Variants in TFAM observed in about 807,000 individuals in gnomAD.
The protein encoded by TFAM is transcription factor A, mitochondrial, also known as mitochondrial transcription factor 1.
In TFAM, 13 loss-of-function variants were observed where a neutral mutation model predicts 30.6. The ratio of observed to expected loss-of-function variants is 0.42; its 90% confidence interval spans 0.28 to 0.67. TFAM has a LOEUF of 0.67. Among genes scored for constraint, TFAM ranks in the 30% least tolerant of loss-of-function variants. The probability of loss-of-function intolerance (pLI) is 0.21; values close to 1 mark genes in which losing one functional copy is unlikely to be tolerated. For synonymous variants in TFAM, 106 were observed against 94.8 expected, an observed-to-expected ratio of 1.12 and a Z score of -0.69; for missense variants, 231 against 293.7, an observed-to-expected ratio of 0.79 and a Z score of 1.56.
chr10:58,392,684 C>CT (rs553658447), intron 5 of TFAM, among the ~76,000 whole-genome samples: 6,316 of 145,074 alleles, frequency 0.044, 239 homozygotes, highest in African/African-American at 0.097. Flanking sequence ...AATTTAACCT[C>CT]TTTTTTTTTT....
chr10:58,394,221 G>A, intron 5 of TFAM, 137 bp from the exon 6 acceptor site: 1 of 708,506 alleles, frequency 1.4e-6, no homozygotes, highest in South Asian at 1.6e-5. Context: ...GATAGTTTTT[G>A]TTTAGAGAGA....
rs1367434434 is a variant in TFAM, at chr10:58,386,328, T to G, written c.210T>G (p.Ala70=). 6.2e-7 allele frequency: 1 copy of G among 1,612,004 alleles called. No individual in the cohort carries two copies. The highest frequency in any genetic ancestry group is 1.3e-5 in the African/African-American group (1 of 75,006). The stretch of plus-strand genomic sequence containing the variant: ...AAGAACAACTACCCATATTTAAAGC[T>G]CAGAACCCAGGTAAGGAGTTTTGGG... ...FSKEQLPIFK[A]QNPDAKTTEL... The change falls in exon 2 of 7, where the codon GCT becomes GCG. Residue 70 remains alanine, a synonymous_variant. Transcript: ENST00000487519.
chr10:58,386,356 A>C lies in TFAM; in HGVS notation c.220+18A>C. 1 of 1,528,862 alleles carries C rather than the reference A, an allele frequency of 6.5e-7. No homozygotes were observed. The allele number at this position is 1,528,862 out of a possible 1,614,324, so 94.7% of individuals were successfully genotyped here. A position where few individuals can be genotyped will look rare whatever the true frequency, so the allele number is the denominator to read the frequency against. ...GAACCCAGGTAAGGAGTTTTGGGGC[A>C]TATACCCTTTTCTCATGTAATAAAA... is the stretch of plus-strand genomic sequence containing the variant. On this transcript the variant is annotated intron_variant, in intron 2 of 6. Transcript: ENST00000487519.
In TFAM at chr10:58,399,048, A is replaced by G. The variant is rs531933867; in HGVS notation, c.*3974A>G. ...TGTCAGTCTCTCTCATTGTTCACAA[A>G]TAAAGGACTTTTGTTAATTGATTAA... On this transcript the variant is annotated 3_prime_UTR_variant, in exon 7 of 7. Transcript: ENST00000487519. 55 of 152,364 alleles carry G rather than the reference A, an allele frequency of 3.6e-4. No homozygotes were observed. The highest frequency in any genetic ancestry group is 3.4e-3 in the Middle Eastern group (1 of 294). The allele number at this position is 152,364 out of a possible 1,614,324, so 9.4% of individuals were successfully genotyped here. A position where few individuals can be genotyped will look rare whatever the true frequency, so the allele number is the denominator to read the frequency against.
intron 5 of TFAM, among the ~76,000 whole-genome samples, chr10:58,391,941 G>A (rs202206168): frequency 2.1e-5 from 1 of 47,496 alleles, no homozygotes; most frequent in East Asian, 5.0e-4. Context: ...TTTTTTTTTT[G>A]TACTTACCAA....
intron 5 of TFAM, among the ~76,000 whole-genome samples, chr10:58,393,476 T>C (rs1407712601): frequency 2.0e-5 from 3 of 152,366 alleles, no homozygotes; most frequent in Middle Eastern, 3.4e-3. Context: ...CACTAATGCA[T>C]CTGCTTTTCA....
intron 2 of TFAM, chr10:58,386,846 C>T (rs910014349): frequency 2.0e-5 from 5 of 249,552 alleles, no homozygotes; most frequent in Non-Finnish European, 2.6e-5. Flanking sequence ...CAGACCTCGA[C>T]CTTGCCAAGG....
In TFAM at chr10:58,396,833, A is replaced by G. The variant is rs1364902065; in HGVS notation, c.*1759A>G. The G allele has an allele frequency of 1.3e-5, 2 of 152,232 alleles. No individual in the cohort carries two copies. The highest frequency in any genetic ancestry group is 2.9e-5 in the Non-Finnish European group (2 of 68,044). The allele number at this position is 152,232 out of a possible 1,614,324, so 9.4% of individuals were successfully genotyped here. ...ACAAAGGTAGGAATGGGAGAGAAAA[A>G]TAGTAGCTTATGAGGAAATATGAGG... On this transcript the variant is annotated 3_prime_UTR_variant, in exon 7 of 7. Transcript: ENST00000487519.
intron 2 of TFAM, among the ~76,000 whole-genome samples, chr10:58,387,129 G>A (rs1840505738): frequency 6.6e-6 from 1 of 152,120 alleles, no homozygotes; most frequent in African/African-American, 2.4e-5. Flanking sequence ...GGGCATGGGG[G>A]CGCAGTGCCT....
At position 58,397,136 on chromosome 10, in the gene TFAM, C is replaced by G. The variant is rs998784508; in HGVS notation, c.*2062C>G. On this transcript the variant is annotated 3_prime_UTR_variant, in exon 7 of 7. Transcript: ENST00000487519. ...TAGGAGAATGGAGAAAATCATAACT[C>G]AAATCATCGACTCAATTCTGTTCTC... is the stretch of plus-strand genomic sequence containing the variant. 16 of 152,008 alleles carry G rather than the reference C, an allele frequency of 1.1e-4. No individual in the cohort carries two copies. The highest frequency in any genetic ancestry group is 1.0e-3 in the Admixed American group (16 of 15,262). 9.4% of individuals were successfully genotyped at this position (152,008 alleles called of 1,614,324 possible).
chr10:58,394,769 A>G (rs1290257227), intron 6 of TFAM, among the ~76,000 whole-genome samples, 159 bp from the exon 7 acceptor site: 1 of 152,198 alleles, frequency 6.6e-6, no homozygotes, highest in East Asian at 1.9e-4. Flanking sequence ...CTTTTATCTC[A>G]TGAAAATATT....
Position 58,386,280 on chromosome 10 carries a change from A to G in TFAM, c.162A>G (p.Val54=). 3.7e-6 allele frequency: 6 copies of G among 1,613,930 alleles called. No homozygotes were observed. Among genetic ancestry groups the G allele is most frequent in the South Asian group, 1.1e-5 (1 of 91,072 alleles). ...TGGCAAGTTGTCCAAAGAAACCTGT[A>G]AGTTCTTACCTTCGATTTTCTAAAG... ...SVLASCPKKP[V]SSYLRFSKEQ... The change falls in exon 2 of 7, where the codon GTA becomes GTG. Residue 54 remains valine (V), a synonymous_variant. Coordinates refer to ENST00000487519, the MANE Select transcript of TFAM (RefSeq NM_003201.3).
chr10:58,390,264 C>T (rs1219525503), intron 4 of TFAM, among the ~76,000 whole-genome samples: 2 of 152,122 alleles, frequency 1.3e-5, no homozygotes, highest in Non-Finnish European at 2.9e-5. Context: ...GTATTCTTTT[C>T]CACAGTTTCT....
chr10:58,394,296 G>T lies in TFAM; in HGVS notation c.538-62G>T, dbSNP rs530843206. 8 of 1,217,520 alleles carry T rather than the reference G, an allele frequency of 6.6e-6. No homozygotes were observed. In the East Asian group the frequency reaches 1.2e-4, roughly 18 times the overall value. The allele number at this position is 1,217,520 out of a possible 1,614,324, so 75.4% of individuals were successfully genotyped here. A position where few individuals can be genotyped will look rare whatever the true frequency, so the allele number is the denominator to read the frequency against. On this transcript the variant is annotated intron_variant, in intron 5 of 6. Coordinates refer to ENST00000487519, the MANE Select transcript of TFAM (RefSeq NM_003201.3). The stretch of plus-strand genomic sequence containing the variant: ...TGGTATCTTGAGTTTTTGTTGGAAT[G>T]AATAATAAAGGTCACTGAAGTCCCC...
In TFAM at chr10:58,388,835, A is replaced by G. The variant is rs753774417; in HGVS notation, c.441+16A>G. 1.8e-5 allele frequency: 28 copies of G among 1,591,738 alleles called. 1 individual carries two copies. The South Asian group carries it at 3.1e-4, about 18-fold the overall frequency. ...AAAAAAAAAAGTGAGTATCATTGAA[A>G]TACTTTTTTCTTATGGTAAAGAATT... On this transcript the variant is annotated intron_variant, in intron 4 of 6. Coordinates refer to ENST00000487519, the MANE Select transcript of TFAM (RefSeq NM_003201.3).
At chr10:58,386,770 C>T (rs1589011079) in intron 2 of TFAM, 2 of 882,720 alleles carry the variant, frequency 2.3e-6, no homozygotes, top group South Asian at 7.6e-5. Flanking sequence ...ATTTCAAGAG[C>T]TTTCAAGATA....
chr10:58,391,602 T>TTATGCTTTAAGCATTA (rs1433376835), intron 5 of TFAM, among the ~76,000 whole-genome samples: 3 of 152,132 alleles, frequency 2.0e-5, no homozygotes, highest in Non-Finnish European at 4.4e-5. Flanking sequence ...ATTGTTTATC[T>TTATGCTTTAAGCATTA]TATGCTTTAA....
At chr10:58,386,852 C>A in intron 2 of TFAM, 1 of 216,942 alleles carries the variant, frequency 4.6e-6, no homozygotes, top group Non-Finnish European at 8.0e-6. Context: ...TCGACCTTGC[C>A]AAGGGGATGG....
rs1015093448 is a variant in TFAM, at chr10:58,396,666, C to G, written c.*1592C>G. ...CCTGTTTGAGCAGAATAATTCTCATCAGTTCACAGATATAGGATAACTCAA... is the reference window on the plus strand; with the variant it reads ...CCTGTTTGAGCAGAATAATTCTCATGAGTTCACAGATATAGGATAACTCAA... On this transcript the variant is annotated 3_prime_UTR_variant, in exon 7 of 7. Coordinates refer to ENST00000487519, the MANE Select transcript of TFAM (RefSeq NM_003201.3). The G allele has an allele frequency of 6.6e-6, 1 of 152,192 alleles. No individual in the cohort carries two copies. Among genetic ancestry groups the G allele is most frequent in the Admixed American group, 6.5e-5 (1 of 15,280 alleles). 9.4% of individuals were successfully genotyped at this position (152,192 alleles called of 1,614,324 possible). A position where few individuals can be genotyped will look rare whatever the true frequency, so the allele number is the denominator to read the frequency against.
Sources: allele counts gnomAD v4.1 joint callset (sites outside exome capture counted in the v4.1 genomes callset), GRCh38; gene constraint gnomAD v4.1.1; transcripts MANE v1.5; gene names NCBI Gene and HGNC (gene_info 2026-07-23, HGNC 2026-07-21).